Variants in PDK1 observed in about 807,000 individuals in gnomAD.
PDK1 encodes [Pyruvate dehydrogenase (acetyl-transferring)] kinase isozyme 1, mitochondrial.
In PDK1, 39 loss-of-function variants were observed where a neutral mutation model predicts 54.2. The observed-to-expected ratio is 0.72, with a 90% confidence interval of 0.56 to 0.94. The LOEUF (loss-of-function observed/expected upper bound fraction) is 0.94. Ranked by LOEUF, PDK1 falls within the 40% of genes least tolerant of loss-of-function variation. The probability of loss-of-function intolerance (pLI) is 0.00; values close to 1 mark genes in which losing one functional copy is unlikely to be tolerated. For missense variants in PDK1, 552 were observed against 566.0 expected (o/e 0.98, Z 0.25); for synonymous variants, 221 against 207.1 (o/e 1.07, Z -0.58).
chr2:172,586,191 C>T, intron 8 of PDK1, 87 bp from the exon 9 acceptor site: 1 of 733,384 alleles, frequency 1.4e-6, no homozygotes, highest in African/African-American at 1.8e-5. Flanking sequence ...CTCCCACCAG[C>T]AGTTAAACTG....
At chr2:172,627,787 C>T in the PDK1 span, among the ~76,000 whole-genome samples, 1 of 152,132 alleles carries the variant, frequency 6.6e-6, no homozygotes, top group Non-Finnish European at 1.5e-5. Flanking sequence ...CTATACAAAC[C>T]AAAGATAACA....
At chr2:172,623,352 A>G in the PDK1 span, among the ~76,000 whole-genome samples, 1 of 152,160 alleles carries the variant, frequency 6.6e-6, no homozygotes, top group Admixed American at 6.5e-5. Context: ...AGTTCTGAGC[A>G]GCTATGATTC....
At chr2:172,714,710 T>C in the PDK1 span, among the ~76,000 whole-genome samples, 1 of 152,174 alleles carries the variant, frequency 6.6e-6, no homozygotes, top group African/African-American at 2.4e-5. Flanking sequence ...AGGTTATATG[T>C]CAATAGATAT....
intron 8 of PDK1, among the ~76,000 whole-genome samples, chr2:172,577,879 T>G (rs1253124952): frequency 6.6e-6 from 1 of 152,202 alleles, no homozygotes; most frequent in Admixed American, 6.5e-5. Context: ...ATACTCATAT[T>G]TTCCTTTAGA....
the PDK1 span, among the ~76,000 whole-genome samples, chr2:172,668,402 T>G: frequency 6.6e-6 from 1 of 152,128 alleles, no homozygotes; most frequent in Non-Finnish European, 1.5e-5. Context: ...AGTAATGATC[T>G]GTGAACCATA....
the PDK1 span, among the ~76,000 whole-genome samples, chr2:172,701,520 G>T: frequency 4.6e-5 from 7 of 152,148 alleles, no homozygotes; most frequent in Non-Finnish European, 1.0e-4. Flanking sequence ...GTAAGCCCAG[G>T]TACCCAGGAT....
In PDK1 at chr2:172,592,443, CTCTT is replaced by C. The variant is rs1036334192; in HGVS notation, c.1057-480_1057-477del. ...TTCCTCTCTCTGTCTCTGACTTTGT[CTCTT>C]TCTTTCTTTCTCTCTGACTCCCTCT... On this transcript the variant is annotated intron_variant, in intron 9 of 10. Coordinates refer to ENST00000282077, the MANE Select transcript of PDK1 (RefSeq NM_002610.5). 1.6e-3 allele frequency among the ~76,000 whole-genome samples: 243 copies of C among 152,008 alleles called. 1 individual carries two copies. Among genetic ancestry groups the C allele is most frequent in the African/African-American group, 5.6e-3 (232 of 41,500 alleles).
chr2:172,713,322 G>T, the PDK1 span, among the ~76,000 whole-genome samples: 839 of 152,330 alleles, frequency 5.5e-3, 2 homozygotes, highest in African/African-American at 0.019. Flanking sequence ...TCCAGTCCGT[G>T]GAACTGGCAG....
At chr2:172,611,302 C>G (rs1002733132), downstream of PDK1, among the ~76,000 whole-genome samples, 1 of 152,088 alleles carries the variant, frequency 6.6e-6, no homozygotes, top group African/African-American at 2.4e-5. Flanking sequence ...AAACCAGGAG[C>G]AAAAACCTCA....
At chr2:172,667,568 C>G in the PDK1 span, among the ~76,000 whole-genome samples, 11 of 152,320 alleles carry the variant, frequency 7.2e-5, no homozygotes, top group East Asian at 1.9e-3. Context: ...CAGCAACTCC[C>G]TGGATGTGAA....
intron 9 of PDK1, among the ~76,000 whole-genome samples, chr2:172,592,607 G>C (rs574821545): frequency 1.3e-5 from 2 of 152,204 alleles, no homozygotes; most frequent in South Asian, 2.1e-4. Context: ...CGCAGACCAA[G>C]AACCCACTGG....
the PDK1 span, among the ~76,000 whole-genome samples, chr2:172,690,635 A>G: frequency 6.7e-6 from 1 of 150,256 alleles, no homozygotes; most frequent in Non-Finnish European, 1.5e-5. Context: ...GATTAAGAAA[A>G]TGTGGCACAT....
At chr2:172,679,297 A>C in the PDK1 span, among the ~76,000 whole-genome samples, 2 of 151,938 alleles carry the variant, frequency 1.3e-5, no homozygotes, top group Admixed American at 1.3e-4. Flanking sequence ...TTTTTTAAAG[A>C]TTGGTCAGGT....
the PDK1 span, among the ~76,000 whole-genome samples, chr2:172,719,197 A>G: frequency 6.6e-6 from 1 of 152,224 alleles, no homozygotes; most frequent in Non-Finnish European, 1.5e-5. Flanking sequence ...TAGATGTACT[A>G]CACTTTATCC....
At chr2:172,651,114 A>G in the PDK1 span, among the ~76,000 whole-genome samples, 3 of 152,210 alleles carry the variant, frequency 2.0e-5, no homozygotes, top group Non-Finnish European at 2.9e-5. Flanking sequence ...CAGAAATTAT[A>G]ACAAACTGTC....
At chr2:172,562,107 G>A (rs1213688074) in intron 2 of PDK1, 113 bp from the exon 3 acceptor site, 1 of 617,044 alleles carries the variant, frequency 1.6e-6, no homozygotes, top group Non-Finnish European at 2.9e-6. Context: ...ATTTATAGCA[G>A]TATTCTAAAT....
chr2:172,661,331 A>G, the PDK1 span, among the ~76,000 whole-genome samples: 1 of 152,212 alleles, frequency 6.6e-6, no homozygotes, highest in Non-Finnish European at 1.5e-5. Flanking sequence ...TTATATAAAA[A>G]TTATATATTG....
chr2:172,587,994 A>T (rs1342758031), intron 9 of PDK1, among the ~76,000 whole-genome samples: 2 of 152,278 alleles, frequency 1.3e-5, no homozygotes, highest in East Asian at 3.9e-4. Flanking sequence ...AAGTTCTCCA[A>T]GTCCCCACCC....
At chr2:172,576,844 A>T (rs1196583198) in intron 8 of PDK1, among the ~76,000 whole-genome samples, 3 of 152,190 alleles carry the variant, frequency 2.0e-5, no homozygotes, top group African/African-American at 7.2e-5. Context: ...TTTCAAGTAT[A>T]CATCTATTGA....
Sources: gnomAD v4.1 joint callset for allele counts (sites outside exome capture counted in the v4.1 genomes callset) on GRCh38, gnomAD v4.1.1 for gene constraint, MANE v1.5 for transcripts, NCBI Gene and HGNC (gene_info 2026-07-23, HGNC 2026-07-21) for gene names.